CASR: variants seen among roughly 807,000 people sequenced by gnomAD.
The protein encoded by CASR is calcium sensing receptor.
A neutral mutation model predicts 69.1 loss-of-function variants in CASR; 23 were observed. The ratio of observed to expected loss-of-function variants is 0.33; its 90% confidence interval spans 0.24 to 0.47. The LOEUF (loss-of-function observed/expected upper bound fraction) is 0.47, where lower values mean the gene tolerates loss of function less well. Among genes scored for constraint, CASR ranks in the 20% least tolerant of loss-of-function variants. The pLI, the probability that CASR is intolerant of heterozygous loss-of-function variation, is 1.00. For missense variants in CASR, 924 were observed against 1,356.1 expected, an observed-to-expected ratio of 0.68 and a Z score of 5.00; for synonymous variants, 541 against 544.7, an observed-to-expected ratio of 0.99 and a Z score of 0.10.
chr3:122,228,815 G>A lies in CASR; in HGVS notation c.-242-25133G>A, dbSNP rs564799627. Among the ~76,000 whole-genome samples the A allele has an allele frequency of 5.3e-5, 8 of 152,178 alleles. No homozygotes were observed. The South Asian group carries it at 1.7e-3, about 32-fold the overall frequency. ...ATGTTGAAAGGGGAAGCTGAGAAGG[G>A]CCCAGAACCACCGCTGTGCCACTAC... On this transcript the variant is annotated intron_variant, in intron 1 of 6. Coordinates refer to ENST00000639785, the MANE Select transcript of CASR (RefSeq NM_000388.4).
chr3:122,259,627 A>ATTTT (rs2074597093), intron 3 of CASR, among the ~76,000 whole-genome samples: 1 of 91,486 alleles, frequency 1.1e-5, no homozygotes, highest in Admixed American at 1.2e-4. Flanking sequence ...ACACATTGGA[A>ATTTT]ATTTTTTTTT....
rs104893707 is a variant in CASR, at chr3:122,261,588, C to A, written c.553C>A (p.Arg185=). Reference sequence around the variant, plus strand: ...CAAGAATCAATTCAAGTCTTTCCTCCGAACCATCCCCAATGATGAGCACCA... The same window carrying A: ...CAAGAATCAATTCAAGTCTTTCCTCAGAACCATCCCCAATGATGAGCACCA... ...SNKNQFKSFL[R]TIPNDEHQAT... is the part of the protein sequence containing the mutation. The change falls in exon 4 of 7, where the codon CGA becomes AGA. Residue 185 remains arginine, a synonymous_variant. Coordinates refer to ENST00000639785, the MANE Select transcript of CASR (RefSeq NM_000388.4). 16 of 1,614,058 alleles carry A rather than the reference C, an allele frequency of 9.9e-6. No homozygotes were observed. Among genetic ancestry groups the A allele is most frequent in the Admixed American group, 8.3e-5 (5 of 60,004 alleles).
Position 122,264,083 on chromosome 3 carries a change from G to C in CASR, c.1377+1671G>C, listed in dbSNP as rs540788853. 2.1e-5 allele frequency among the ~76,000 whole-genome samples: 3 copies of C among 141,606 alleles called. No homozygotes were observed. In the South Asian group the frequency reaches 7.2e-4, roughly 34 times the overall value. The allele number at this position is 141,606 out of a possible 152,430, so 92.9% of individuals were successfully genotyped here. A position where few individuals can be genotyped will look rare whatever the true frequency, so the allele number is the denominator to read the frequency against. ...CAGATAAGGAAATAAAATACAGATG[G>C]TCAAGACCAGACCTTGGACCTGTGA... is the stretch of plus-strand genomic sequence containing the variant. On this transcript the variant is annotated intron_variant, in intron 4 of 6. Coordinates refer to ENST00000639785, the MANE Select transcript of CASR (RefSeq NM_000388.4).
chr3:122,192,117 C>G (rs1186782401), intron 1 of CASR, among the ~76,000 whole-genome samples: 5 of 152,182 alleles, frequency 3.3e-5, no homozygotes, highest in Admixed American at 3.3e-4. Flanking sequence ...CAAGAAAAAG[C>G]CTATGAATCC....
intron 4 of CASR, among the ~76,000 whole-genome samples, chr3:122,273,191 A>G (rs2074778523): frequency 6.6e-6 from 1 of 152,220 alleles, no homozygotes; most frequent in Non-Finnish European, 1.5e-5. Flanking sequence ...ATAAGGATGT[A>G]TTACTGACCT....
At chr3:122,207,975 A>T (rs112477340) in intron 1 of CASR, among the ~76,000 whole-genome samples, 363 of 152,228 alleles carry the variant, frequency 2.4e-3, no homozygotes, top group African/African-American at 8.2e-3. Flanking sequence ...ATTGCAGTCT[A>T]TCTCTCCCTT....
At position 122,261,794 on chromosome 3, in the gene CASR, G is replaced by A. The variant is rs2074626789; in HGVS notation, c.759G>A (p.Gln253=). The change falls in exon 4 of 7, where the codon CAG becomes CAA. Residue 253 remains glutamine, a synonymous_variant. Coordinates refer to ENST00000639785, the MANE Select transcript of CASR (RefSeq NM_000388.4). Reference sequence around the variant, plus strand: ...AGTACTCTGATGAGGAAGAGATCCAGCATGTGGTAGAGGTGATTCAAAATT... The same window carrying A: ...AGTACTCTGATGAGGAAGAGATCCAACATGTGGTAGAGGTGATTCAAAATT... ...ISQYSDEEEI[Q]HVVEVIQNST... 11 of 1,614,144 alleles carry A rather than the reference G, an allele frequency of 6.8e-6. No individual in the cohort carries two copies. The highest frequency in any genetic ancestry group is 1.7e-5 in the Admixed American group (1 of 60,012).
intron 1 of CASR, among the ~76,000 whole-genome samples, chr3:122,251,798 T>C (rs1319630734): frequency 1.3e-5 from 2 of 152,250 alleles, no homozygotes; most frequent in Non-Finnish European, 2.9e-5. Context: ...CCATGCATTA[T>C]TTTGTTTAGA....
chr3:122,235,445 T>G (rs752564373), intron 1 of CASR, among the ~76,000 whole-genome samples: 9 of 152,224 alleles, frequency 5.9e-5, no homozygotes, highest in Non-Finnish European at 1.2e-4. Context: ...CCTGGAATAC[T>G]GGTTTCATAA....
At chr3:122,242,920 G>A (rs542384078) in intron 1 of CASR, among the ~76,000 whole-genome samples, 17 of 152,126 alleles carry the variant, frequency 1.1e-4, no homozygotes, top group South Asian at 2.1e-4. Flanking sequence ...ACATGCATTG[G>A]AGAAAAGACT....
intron 1 of CASR, chr3:122,184,353 C>T (rs962997500): frequency 2.6e-5 from 4 of 152,812 alleles, no homozygotes; most frequent in Non-Finnish European, 5.8e-5. Flanking sequence ...GTGGCCGGAC[C>T]CGAAGGCGGG....
At chr3:122,202,964 G>A (rs1212289493) in intron 1 of CASR, among the ~76,000 whole-genome samples, 2 of 152,138 alleles carry the variant, frequency 1.3e-5, no homozygotes, top group Non-Finnish European at 2.9e-5. Context: ...AAGGTCCCGG[G>A]TATGCATGAG....
intron 1 of CASR, among the ~76,000 whole-genome samples, chr3:122,240,678 A>G (rs1189897378): frequency 1.3e-5 from 2 of 152,234 alleles, no homozygotes; most frequent in African/African-American, 2.4e-5. Context: ...TATGAAACAA[A>G]TGGACCTAAT....
intron 1 of CASR, among the ~76,000 whole-genome samples, chr3:122,235,201 G>A (rs539928036): frequency 2.6e-4 from 39 of 152,292 alleles, no homozygotes; most frequent in Non-Finnish European, 4.9e-4. Flanking sequence ...TTTAAAAAGG[G>A]AATTAATAAT....
chr3:122,221,100 C>A (rs1397725556), intron 1 of CASR, among the ~76,000 whole-genome samples: 1 of 152,202 alleles, frequency 6.6e-6, no homozygotes, highest in Non-Finnish European at 1.5e-5. Flanking sequence ...TTTATCCCAA[C>A]AATAAGCCAG....
At chr3:122,256,669 G>GTGCAGTGGCACAATCTC (rs1242345714) in intron 2 of CASR, among the ~76,000 whole-genome samples, 1 of 152,040 alleles carries the variant, frequency 6.6e-6, no homozygotes, top group Non-Finnish European at 1.5e-5. Flanking sequence ...CCAGGCTGGA[G>GTGCAGTGGCACAATCTC]TGCAGTGGCA....
chr3:122,252,449 A>AAGAAAG lies in CASR; in HGVS notation c.-242-1498_-242-1497insGAAAGA, dbSNP rs2074505714. On this transcript the variant is annotated intron_variant, in intron 1 of 6. Coordinates refer to ENST00000639785, the MANE Select transcript of CASR (RefSeq NM_000388.4). The stretch of plus-strand genomic sequence containing the variant: ...AGAAAGAAAGAAAGAAAGAAAGAAA[A>AAGAAAG]AAAAGAAAAGAAAGAAAAGAAAAGA... 3.7e-5 allele frequency among the ~76,000 whole-genome samples: 2 copies of AAGAAAG among 54,534 alleles called. 1 individual carries two copies. Among genetic ancestry groups the AAGAAAG allele is most frequent in the Admixed American group, 4.1e-4 (2 of 4,864 alleles). The allele number at this position is 54,534 out of a possible 152,430, so 35.8% of individuals were successfully genotyped here.
Position 122,282,358 on chromosome 3 carries a change from G to C in CASR, c.1732+122G>C, listed in dbSNP as rs2074902530. On this transcript the variant is annotated intron_variant, in intron 6 of 6. Coordinates refer to ENST00000639785, the MANE Select transcript of CASR (RefSeq NM_000388.4). Reference sequence around the variant, plus strand: ...TTGCACAGTTTCTCATTTAACAAAGGTATATCTGAGCATCACAAAATGTTG... The same window carrying C: ...TTGCACAGTTTCTCATTTAACAAAGCTATATCTGAGCATCACAAAATGTTG... The C allele has an allele frequency of 5.3e-6, 5 of 950,852 alleles. No homozygotes were observed. In the Admixed American group the frequency reaches 9.0e-5, roughly 17 times the overall value. 58.9% of individuals were successfully genotyped at this position (950,852 alleles called of 1,614,324 possible). A position where few individuals can be genotyped will look rare whatever the true frequency, so the allele number is the denominator to read the frequency against.
At chr3:122,229,322 T>C (rs1273912486) in intron 1 of CASR, among the ~76,000 whole-genome samples, 1 of 151,432 alleles carries the variant, frequency 6.6e-6, no homozygotes, top group Non-Finnish European at 1.5e-5. Flanking sequence ...GTAGTGTTCA[T>C]TTGCATTTCT....
Sources: allele counts gnomAD v4.1 joint callset (sites outside exome capture counted in the v4.1 genomes callset), GRCh38; gene constraint gnomAD v4.1.1; transcripts MANE v1.5; gene names NCBI Gene and HGNC (gene_info 2026-07-23, HGNC 2026-07-21).